Variants in ZNF608 observed in about 807,000 individuals in gnomAD.
The protein encoded by ZNF608 is zinc finger protein 608, also known as renal carcinoma antigen NY-REN-36.
ZNF608 carries 12 observed loss-of-function variants against 109.0 expected under a neutral mutation model. The observed-to-expected ratio is 0.11, with a 90% CI of 0.07 to 0.18. The LOEUF (loss-of-function observed/expected upper bound fraction) is 0.18. ZNF608 is among the 10% of genes least tolerant of loss of function. The pLI is 1.00. For missense variants in ZNF608, 1,707 were observed against 1,879.3 expected, an observed-to-expected ratio of 0.91 and a Z score of 1.70; for synonymous variants, 732 against 717.4, an observed-to-expected ratio of 1.02 and a Z score of -0.33.
At chr5:124,667,459 C>CCAACCGT (rs1751523936) in intron 3 of ZNF608, among the ~76,000 whole-genome samples, 1 of 151,504 alleles carries the variant, frequency 6.6e-6, no homozygotes, top group Admixed American at 6.6e-5. Context: ...CCTCCCACCC[C>CCAACCGT]CACCGTGGCT....
intron 3 of ZNF608, among the ~76,000 whole-genome samples, chr5:124,682,357 G>C (rs151132111): frequency 0.011 from 1,669 of 152,360 alleles, 16 homozygotes; most frequent in Non-Finnish European, 0.017. Context: ...ACAGGCGTGA[G>C]CCACTGTGCC....
At chr5:124,737,292 T>C (rs998837528) in intron 2 of ZNF608, among the ~76,000 whole-genome samples, 9 of 152,314 alleles carry the variant, frequency 5.9e-5, no homozygotes, top group Admixed American at 3.9e-4. Context: ...GCAGACACAT[T>C]TTTCTTAAGG....
chr5:124,678,924 C>G (rs1752077135), intron 3 of ZNF608, among the ~76,000 whole-genome samples: 1 of 152,186 alleles, frequency 6.6e-6, no homozygotes, highest in Non-Finnish European at 1.5e-5. Context: ...AGAATTTGGT[C>G]CTGCCAGTTC....
rs750831609 is a variant in ZNF608, at chr5:124,744,952, T to A, written c.38A>T (p.Asp13Val). 6.2e-7 allele frequency: 1 copy of A among 1,613,606 alleles called. No homozygotes were observed. The highest frequency in any genetic ancestry group is 8.5e-7 in the Non-Finnish European group (1 of 1,179,696). The part of the protein sequence containing the change: ...VNISTAGKGV[D>V]PNTVDTYDSG... Reference sequence around the variant, plus strand: ...GTCATAAGTATCAACTGTATTTGGATCCACACCTTTTCCTGCAGTAGAAAT... The same window carrying A: ...GTCATAAGTATCAACTGTATTTGGAACCACACCTTTTCCTGCAGTAGAAAT... The change falls in exon 2 of 10, where the codon GAT becomes GTT. Residue 13 changes from aspartate to valine, a missense_variant. Asp to Val is a radical substitution (Grantham distance 152). Transcript: ENST00000513986. The surrounding 1 kb of genome is among the most constrained non-coding windows in gnomAD (Gnocchi z 4.5).
rs369465156 is a variant in ZNF608 at position 124,648,499 on chromosome 5, C to A, written c.1885G>T (p.Gly629Cys). The change falls in exon 5 of 10, where the codon GGT becomes TGT. Residue 629 changes from glycine to cysteine, a missense_variant. Transcript: ENST00000513986. ...GGGGTCCCAGGTGGGTTTCCAGCAC[C>A]AGGGGATGCCGGTGCCTTCAACTGG... is the stretch of plus-strand genomic sequence containing the variant. ...YDQLKAPASPGAGNPPGTPKG... is the reference protein window; with the variant it reads ...YDQLKAPASPCAGNPPGTPKG... 2.0e-5 allele frequency: 32 copies of A among 1,614,088 alleles called. No homozygotes were observed. In the East Asian group the frequency reaches 6.5e-4, roughly 33 times the overall value.
chr5:124,684,947 T>C (rs75129378), intron 3 of ZNF608, among the ~76,000 whole-genome samples: 20,670 of 152,246 alleles, frequency 0.14, 1,558 homozygotes, highest in Non-Finnish European at 0.17. Context: ...TGCTAGACTA[T>C]TGCAGCCAAA....
intron 3 of ZNF608, among the ~76,000 whole-genome samples, chr5:124,652,225 GAAGCCACAC>G (rs1301808565): frequency 1.3e-5 from 2 of 152,158 alleles, no homozygotes; most frequent in African/African-American, 4.8e-5. Flanking sequence ...GCTCTTTCTG[GAAGCCACAC>G]AAGCAGACCT....
At chr5:124,748,051 G>T (rs1392191872), upstream of ZNF608, among the ~76,000 whole-genome samples, 1 of 152,016 alleles carries the variant, frequency 6.6e-6, no homozygotes, top group African/African-American at 2.4e-5. Context: ...GATGGCGAAT[G>T]GTAATTATAA....
rs1750552343 is a variant in ZNF608, at chr5:124,647,180, T to G, written c.3204A>C (p.Thr1068=). 6.2e-7 allele frequency: 1 copy of G among 1,614,234 alleles called. No individual in the cohort carries two copies. Among genetic ancestry groups the G allele is most frequent in the African/African-American group, 1.3e-5 (1 of 75,056 alleles). Residue 1068 remains threonine, a synonymous_variant, in exon 5 of 10, where the codon ACA becomes ACC. Transcript: ENST00000513986. ...SLQPQHQSVI[T]QRHPALAQSL... ...ACTGAGCCAGGGCAGGATGTCTTTG[T>G]GTGATCACCGACTGGTGCTGAGGCT...
intron 8 of ZNF608, among the ~76,000 whole-genome samples, chr5:124,640,041 T>C (rs1377258701): frequency 2.0e-5 from 3 of 152,174 alleles, no homozygotes; most frequent in South Asian, 2.1e-4. Flanking sequence ...TTACACTCAA[T>C]ACAAATTGTT....
intron 2 of ZNF608, among the ~76,000 whole-genome samples, chr5:124,718,128 A>G (rs1207457250): frequency 6.6e-6 from 1 of 152,150 alleles, no homozygotes; most frequent in Non-Finnish European, 1.5e-5. Flanking sequence ...GTGGCATGGC[A>G]CCAGATGCCA....
At chr5:124,663,045 A>G (rs899017225) in intron 3 of ZNF608, among the ~76,000 whole-genome samples, 4 of 152,206 alleles carry the variant, frequency 2.6e-5, no homozygotes, top group Non-Finnish European at 4.4e-5. Flanking sequence ...GTAGAAACCT[A>G]TTATTTCCTT....
upstream of ZNF608, chr5:124,748,399 T>G (rs918308628): frequency 2.7e-5 from 8 of 299,658 alleles, no homozygotes; most frequent in Admixed American, 6.5e-5. Flanking sequence ...TTCACCCTTC[T>G]TGGGTTGTTG....
At chr5:124,694,065 T>G (rs1032768933) in intron 3 of ZNF608, among the ~76,000 whole-genome samples, 1 of 134,302 alleles carries the variant, frequency 7.4e-6, no homozygotes, top group African/African-American at 2.8e-5. Context: ...AAGCTCTGCC[T>G]CCCGGTTTCA....
Position 124,648,617 on chromosome 5 carries a change from A to C in ZNF608, c.1767T>G (p.Pro589=). ...AGTCCGAGATCTTGTCCTCACTGTCAGGCTCGAACTCCAGCTTGTTTTCTG... is the reference window on the plus strand; with the variant it reads ...AGTCCGAGATCTTGTCCTCACTGTCCGGCTCGAACTCCAGCTTGTTTTCTG... ...LDPENKLEFE[P]DSEDKISDCE... is the part of the protein sequence containing the mutation. The change falls in exon 5 of 10, where the codon CCT becomes CCG. Residue 589 remains proline (P), a synonymous_variant. Transcript: ENST00000513986. 1 of 1,614,214 alleles carries C rather than the reference A, an allele frequency of 6.2e-7. No homozygotes were observed. The highest frequency in any genetic ancestry group is 8.5e-7 in the Non-Finnish European group (1 of 1,180,032).
chr5:124,725,407 G>A (rs1676625717), intron 2 of ZNF608, among the ~76,000 whole-genome samples: 1 of 152,040 alleles, frequency 6.6e-6, no homozygotes, highest in Admixed American at 6.6e-5. Flanking sequence ...AAAAATGTTT[G>A]CTGAGGAAAT....
At chr5:124,639,838 A>G (rs1473332544) in intron 8 of ZNF608, among the ~76,000 whole-genome samples, 2 of 152,220 alleles carry the variant, frequency 1.3e-5, no homozygotes, top group African/African-American at 2.4e-5. Context: ...ATGCAAACCT[A>G]GGGAAGATTA....
At chr5:124,708,860 T>C in intron 2 of ZNF608, 1 of 434,994 alleles carries the variant, frequency 2.3e-6, no homozygotes, top group Non-Finnish European at 4.6e-6. Context: ...ACCCCCACCA[T>C]GCCAAAATTC....
intron 2 of ZNF608, among the ~76,000 whole-genome samples, chr5:124,708,435 T>C (rs1486644435): frequency 6.6e-6 from 1 of 152,244 alleles, no homozygotes; most frequent in Non-Finnish European, 1.5e-5. Flanking sequence ...AAATAGAAGA[T>C]GAGATGGAAA....
Sources: gnomAD v4.1 joint callset for allele counts (sites outside exome capture counted in the v4.1 genomes callset) on GRCh38, gnomAD v4.1.1 for gene constraint, Gnocchi (gnomAD v3.1) non-coding constraint, MANE v1.5 for transcripts, NCBI Gene and HGNC (gene_info 2026-07-23, HGNC 2026-07-21) for gene names.